PCCA: variants seen among roughly 807,000 people sequenced by gnomAD.
The protein encoded by PCCA is propionyl-CoA carboxylase alpha chain, mitochondrial.
In PCCA, 74 loss-of-function variants were observed where a neutral mutation model predicts 101.3. The observed-to-expected ratio is 0.73, with a 90% CI of 0.61 to 0.89. The LOEUF is 0.89. Among genes scored for constraint, PCCA ranks in the 40% least tolerant of loss-of-function variants. The probability of loss-of-function intolerance (pLI) is 0.00; values close to 1 mark genes in which losing one functional copy is unlikely to be tolerated. For synonymous variants in PCCA, 294 were observed against 313.6 expected (o/e 0.94, Z 0.66); for missense variants, 891 against 907.0 (o/e 0.98, Z 0.23).
chr13:100,418,833 C>CA (rs5806159), intron 19 of PCCA, among the ~76,000 whole-genome samples: 86 of 135,002 alleles, frequency 6.4e-4, no homozygotes, highest in Middle Eastern at 3.9e-3. Context: ...GACTCCACCT[C>CA]AAAAAAAAAA....
chr13:100,318,691 A>G (rs997864770), intron 16 of PCCA, among the ~76,000 whole-genome samples: 3 of 152,050 alleles, frequency 2.0e-5, no homozygotes, highest in Non-Finnish European at 2.9e-5. Context: ...ATAGTATTCC[A>G]TGGTGTATAT....
At chr13:100,248,337 C>T (rs2061565691) in intron 8 of PCCA, among the ~76,000 whole-genome samples, 1 of 152,040 alleles carries the variant, frequency 6.6e-6, no homozygotes, top group East Asian at 1.9e-4. Flanking sequence ...TTTTATGTCC[C>T]CTTCCCATTC....
intron 19 of PCCA, among the ~76,000 whole-genome samples, chr13:100,415,171 A>C (rs1413908196): frequency 1.3e-5 from 2 of 151,076 alleles, no homozygotes; most frequent in Non-Finnish European, 1.5e-5. Flanking sequence ...TGGAAGGCTC[A>C]GGTGAGAGGA....
chr13:100,236,187 A>C (rs182702454), intron 8 of PCCA, among the ~76,000 whole-genome samples: 1 of 152,352 alleles, frequency 6.6e-6, no homozygotes, highest in Non-Finnish European at 1.5e-5. Context: ...TTATATGTAC[A>C]TAGTTGAATG....
intron 19 of PCCA, among the ~76,000 whole-genome samples, chr13:100,422,135 CTTT>C (rs1232975466): frequency 1.5e-5 from 1 of 68,780 alleles, no homozygotes; most frequent in Non-Finnish European, 3.0e-5. Context: ...TTCTTTCTTT[CTTT>C]TTTTTTTTTT....
In PCCA at chr13:100,471,825, T is replaced by C. The variant is rs116313745; in HGVS notation, c.1899+22520T>C. On this transcript the variant is annotated intron_variant, in intron 21 of 23. Transcript: ENST00000376285. ...CCTGGATCTTCCCAATGGCGGTGCT[T>C]CTCGTGTGCAGGCCAACTAGGGAGA... Among the ~76,000 whole-genome samples, 1,441 of 152,258 alleles carry C rather than the reference T, an allele frequency of 9.5e-3. 21 individuals are homozygous for C. The highest frequency in any genetic ancestry group is 0.032 in the African/African-American group (1,332 of 41,554).
intron 6 of PCCA, among the ~76,000 whole-genome samples, chr13:100,185,325 T>C (rs2057159347): frequency 6.6e-6 from 1 of 152,168 alleles, no homozygotes; most frequent in Non-Finnish European, 1.5e-5. Context: ...TCTTTCTCTC[T>C]TTTTATCTTT....
At chr13:100,494,181 T>C (rs1305979229) in intron 21 of PCCA, among the ~76,000 whole-genome samples, 1 of 151,744 alleles carries the variant, frequency 6.6e-6, no homozygotes, top group East Asian at 1.9e-4. Flanking sequence ...GAGGAGACTC[T>C]GTCTCAAAAA....
chr13:100,407,073 G>T (rs537767261), intron 19 of PCCA, among the ~76,000 whole-genome samples: 16 of 152,298 alleles, frequency 1.1e-4, no homozygotes, highest in African/African-American at 3.8e-4. Context: ...TGACAAAGAA[G>T]TTCGGTTATC....
chr13:100,305,660 T>TGGCA, intron 14 of PCCA: 1 of 265,188 alleles, frequency 3.8e-6, no homozygotes, highest in Non-Finnish European at 7.7e-6. Context: ...GTAACCCGTT[T>TGGCA]ACTAGTTGCC....
chr13:100,295,938 G>C (rs1292777424), intron 12 of PCCA, among the ~76,000 whole-genome samples: 1 of 152,018 alleles, frequency 6.6e-6, no homozygotes, highest in Non-Finnish European at 1.5e-5. Flanking sequence ...AGTCAACTCA[G>C]GTATATAATT....
intron 9 of PCCA, among the ~76,000 whole-genome samples, chr13:100,262,296 G>A (rs1209025235): frequency 6.6e-6 from 1 of 152,018 alleles, no homozygotes; most frequent in Non-Finnish European, 1.5e-5. Context: ...GGGAGGCTGA[G>A]GTGGAAGATT....
chr13:100,214,791 T>G (rs1236730562), intron 7 of PCCA, among the ~76,000 whole-genome samples: 1 of 152,126 alleles, frequency 6.6e-6, no homozygotes, highest in Non-Finnish European at 1.5e-5. Flanking sequence ...TTTTATTTTA[T>G]TTTATTTTAT....
chr13:100,113,184 A>G (rs2048481441), intron 4 of PCCA, among the ~76,000 whole-genome samples: 2 of 152,218 alleles, frequency 1.3e-5, no homozygotes, highest in African/African-American at 4.8e-5. Context: ...AGTATAGCCT[A>G]TTCCTCCTGT....
chr13:100,145,861 C>CAAA (rs767182982), intron 4 of PCCA, among the ~76,000 whole-genome samples: 1 of 64,354 alleles, frequency 1.6e-5, no homozygotes, highest in South Asian at 4.5e-4. Flanking sequence ...GACTCCGTCT[C>CAAA]AAAAAAAAAA....
In PCCA at chr13:100,262,826, A is replaced by T. The variant is rs2062621316; in HGVS notation, c.814A>T (p.Ile272Phe). Residue 272 changes from isoleucine (I) to phenylalanine (F), a missense_variant, in exon 10 of 24, where the codon ATC becomes TTC. Coordinates refer to ENST00000376285, the MANE Select transcript of PCCA (RefSeq NM_000282.4). ...KFIDNPRHIE[I>F]QVLGDKHGNA... Reference sequence around the variant, plus strand: ...TATTGATAATCCTCGTCATATAGAAATCCAGGTTGGTACATTTAAGATGCT... The same window carrying T: ...TATTGATAATCCTCGTCATATAGAATTCCAGGTTGGTACATTTAAGATGCT... The T allele has an allele frequency of 7.5e-7, 1 of 1,326,534 alleles. No homozygotes were observed. Among genetic ancestry groups the T allele is most frequent in the Non-Finnish European group, 1.1e-6 (1 of 920,310 alleles). 82.2% of individuals were successfully genotyped at this position (1,326,534 alleles called of 1,614,324 possible).
At chr13:100,262,684 C>T (rs1436574176) in intron 9 of PCCA, 45 bp from the exon 10 acceptor site, 2 of 739,604 alleles carry the variant, frequency 2.7e-6, no homozygotes, top group Admixed American at 1.8e-5. Context: ...CTTCCCCTTC[C>T]CCTCCCTCTC....
At chr13:100,496,693 A>G (rs544282237) in intron 21 of PCCA, among the ~76,000 whole-genome samples, 1 of 152,298 alleles carries the variant, frequency 6.6e-6, no homozygotes, top group African/African-American at 2.4e-5. Flanking sequence ...TGGTAATTTC[A>G]GCATAATATG....
At chr13:100,222,423 C>G (rs893950702) in intron 7 of PCCA, among the ~76,000 whole-genome samples, 5 of 152,044 alleles carry the variant, frequency 3.3e-5, no homozygotes, top group African/African-American at 1.2e-4. Flanking sequence ...GTTTTTATTT[C>G]TGATACAAGA....
Sources: gnomAD v4.1 joint callset for allele counts (sites outside exome capture counted in the v4.1 genomes callset) on GRCh38, gnomAD v4.1.1 for gene constraint, MANE v1.5 for transcripts, NCBI Gene and HGNC (gene_info 2026-07-23, HGNC 2026-07-21) for gene names.